The following C7 variants were observed in gnomAD, a reference collection of about 807,000 sequenced individuals.
The protein encoded by C7 is complement component C7.
A neutral mutation model predicts 104.8 loss-of-function variants in C7; 83 were observed. That is an observed-to-expected ratio of 0.79 (90% CI 0.66 to 0.95). C7 has a LOEUF of 0.95. Among genes scored for constraint, C7 ranks in the 40% least tolerant of loss-of-function variants. C7 has a pLI of 0.00. For synonymous variants in C7, 415 were observed against 360.6 expected (o/e 1.15, Z -1.71); for missense variants, 1,070 against 1,011.2 (o/e 1.06, Z -0.79).
intron 15 of C7, among the ~76,000 whole-genome samples, chr5:40,975,402 C>G (rs1740797294): frequency 6.7e-6 from 1 of 148,498 alleles, no homozygotes; most frequent in African/African-American, 2.5e-5. Flanking sequence ...CTCGCTTGTC[C>G]AGGCTGGCTG....
At chr5:40,950,519 G>C (rs116079970) in intron 9 of C7, among the ~76,000 whole-genome samples, 1,597 of 152,130 alleles carry the variant, frequency 0.01, 29 homozygotes, top group African/African-American at 0.037. Flanking sequence ...CTCTACTCCA[G>C]TCTTCTATTG....
intron 1 of C7, among the ~76,000 whole-genome samples, chr5:40,925,766 G>A (rs324069): frequency 0.26 from 39,025 of 152,022 alleles, 5,808 homozygotes; most frequent in African/African-American, 0.42. Context: ...TACTCATGGC[G>A]GAAGGCAAAC....
intron 14 of C7, among the ~76,000 whole-genome samples, chr5:40,969,720 G>A (rs143956157): frequency 1.2e-3 from 180 of 151,858 alleles, no homozygotes; most frequent in African/African-American, 4.1e-3. Context: ...TATCTTTTTA[G>A]CCTCTGAGCT....
Position 40,947,630 on chromosome 5 carries a change from C to CAGCAGGT in C7, c.767_768insAGCAGGT (p.Val257AlafsTer4). 6.2e-7 allele frequency: 1 copy of CAGCAGGT among 1,613,336 alleles called. No individual in the cohort carries two copies. The highest frequency in any genetic ancestry group is 8.5e-7 in the Non-Finnish European group (1 of 1,179,626). ...TACCAACTGCTGGTTGTTGAGAACA[C>CAGCAGGT]TGTTGAAGTGGCTCAGTTCATTAAT... On this transcript the variant is annotated frameshift_variant, in exon 8 of 18. Coordinates refer to ENST00000313164, the MANE Select transcript of C7 (RefSeq NM_000587.4). LOFTEE classifies it high-confidence loss of function.
At chr5:40,958,304 A>G (rs1462558089) in intron 11 of C7, 43 bp downstream of exon 11, 2 of 1,244,042 alleles carry the variant, frequency 1.6e-6, no homozygotes, top group Non-Finnish European at 2.2e-6. Context: ...TACACATTGA[A>G]AGGGAATTAC....
At chr5:40,930,444 G>C (rs1413407797) in intron 2 of C7, among the ~76,000 whole-genome samples, 1 of 151,618 alleles carries the variant, frequency 6.6e-6, no homozygotes, top group Non-Finnish European at 1.5e-5. Flanking sequence ...GATCTCAAGT[G>C]ATCTGCACTC....
At chr5:40,920,574 C>T (rs1739417907) in intron 1 of C7, among the ~76,000 whole-genome samples, 1 of 147,690 alleles carries the variant, frequency 6.8e-6, no homozygotes. Flanking sequence ...TTGATGGCTT[C>T]ATGGCTGAAT....
intron 1 of C7, among the ~76,000 whole-genome samples, chr5:40,921,589 AC>A (rs1340267950): frequency 1.4e-4 from 19 of 134,896 alleles, no homozygotes; most frequent in Admixed American, 2.2e-4. Context: ...ATTAAAAAAA[AC>A]AAAAGTAGTT....
At chr5:40,930,978 C>A in intron 2 of C7, 86 bp from the exon 3 acceptor site, 1 of 893,646 alleles carries the variant, frequency 1.1e-6, no homozygotes, top group Non-Finnish European at 1.8e-6. Context: ...CAACATTTAA[C>A]TATTTTTGAC....
rs565933861 is a variant in C7 at position 40,958,365 on chromosome 5, C to G, written c.1489+104C>G. ...TTCTTTGTGTATGAAGAGATGAAGT[C>G]TCAAATGAATTTAGAATCCTCCTTC... On this transcript the variant is annotated intron_variant, in intron 11 of 17. Transcript: ENST00000313164. 2.9e-5 allele frequency: 19 copies of G among 654,268 alleles called. No homozygotes were observed. The African/African-American group carries it at 3.1e-4, about 11-fold the overall frequency. The allele number at this position is 654,268 out of a possible 1,614,324, so 40.5% of individuals were successfully genotyped here.
chr5:40,974,670 G>A (rs975842341), intron 15 of C7, among the ~76,000 whole-genome samples: 2 of 151,986 alleles, frequency 1.3e-5, no homozygotes, highest in African/African-American at 4.8e-5. Context: ...CGCCCGCCTC[G>A]GCCTCCCAAA....
intron 14 of C7, among the ~76,000 whole-genome samples, chr5:40,965,237 G>A (rs1740517718): frequency 6.6e-6 from 1 of 152,108 alleles, no homozygotes; most frequent in South Asian, 2.1e-4. Context: ...TTTGGATAGA[G>A]GCATCTGAAT....
chr5:40,952,478 TTTTATTTA>T lies in C7; in HGVS notation c.1093+2484_1093+2491del, dbSNP rs147016821. Among the ~76,000 whole-genome samples, 103 of 149,314 alleles carry T rather than the reference TTTTATTTA, an allele frequency of 6.9e-4. 1 individual carries two copies. The South Asian group carries it at 9.4e-3, about 14-fold the overall frequency. On this transcript the variant is annotated intron_variant, in intron 9 of 17. Coordinates refer to ENST00000313164, the MANE Select transcript of C7 (RefSeq NM_000587.4). Reference sequence around the variant, plus strand: ...TCATGATGGTAGAATCTGTAATTCTTTTTATTTATTTATTTATTTATTTATTTTTATTA... The same window carrying T: ...TCATGATGGTAGAATCTGTAATTCTTTTTATTTATTTATTTATTTTTATTA...
chr5:40,927,833 A>C (rs933380196), intron 1 of C7, among the ~76,000 whole-genome samples: 2 of 152,152 alleles, frequency 1.3e-5, no homozygotes, highest in African/African-American at 4.8e-5. Flanking sequence ...ATCCCTGTAC[A>C]CTTGTACACT....
At chr5:40,919,136 T>C (rs949913205) in intron 1 of C7, among the ~76,000 whole-genome samples, 6 of 151,742 alleles carry the variant, frequency 4.0e-5, no homozygotes, top group Non-Finnish European at 8.8e-5. Flanking sequence ...CTTTTTTTTT[T>C]TTTTTGAGTT....
At chr5:40,920,149 A>G (rs868765147) in intron 1 of C7, among the ~76,000 whole-genome samples, 1 of 152,186 alleles carries the variant, frequency 6.6e-6, no homozygotes, top group African/African-American at 2.4e-5. Flanking sequence ...AGGGACTATC[A>G]TCAACAATTA....
rs1739162244 is a variant in C7 at position 40,909,516 on chromosome 5, G to C, written c.-95G>C. The C allele has an allele frequency of 1.1e-6, 1 of 882,528 alleles. No homozygotes were observed. The highest frequency in any genetic ancestry group is 1.8e-6 in the Non-Finnish European group (1 of 560,738). 54.7% of individuals were successfully genotyped at this position (882,528 alleles called of 1,614,324 possible). ...TAGAGCAGGGAGAGGCAGAGAGGCAGGCAGCCTGCTGGGCTCTTCCTGCTG... is the reference window on the plus strand; with the variant it reads ...TAGAGCAGGGAGAGGCAGAGAGGCACGCAGCCTGCTGGGCTCTTCCTGCTG... On this transcript the variant is annotated 5_prime_UTR_variant, in exon 1 of 18. Coordinates refer to ENST00000313164, the MANE Select transcript of C7 (RefSeq NM_000587.4).
At chr5:40,915,937 G>A (rs1440461746) in intron 1 of C7, among the ~76,000 whole-genome samples, 5 of 152,196 alleles carry the variant, frequency 3.3e-5, no homozygotes, top group African/African-American at 1.2e-4. Context: ...GTTTTGGGGA[G>A]TTCAGGAAGA....
chr5:40,937,510 C>T (rs373297590), intron 5 of C7, 42 bp from the exon 6 acceptor site: 62 of 1,548,990 alleles, frequency 4.0e-5, no homozygotes, highest in Middle Eastern at 3.5e-4. Flanking sequence ...TGGTTTTTAA[C>T]GGCTTTTTAT....
Sources: allele counts gnomAD v4.1 joint callset (sites outside exome capture counted in the v4.1 genomes callset), GRCh38; gene constraint gnomAD v4.1.1; transcripts MANE v1.5; gene names NCBI Gene and HGNC (gene_info 2026-07-23, HGNC 2026-07-21).